The following PM20D2 variants were observed in gnomAD, a reference collection of about 807,000 sequenced individuals.
PM20D2 encodes peptidase M20 domain containing 2.
A neutral mutation model predicts 42.9 loss-of-function variants in PM20D2; 33 were observed. The observed-to-expected ratio is 0.77, with a 90% CI of 0.58 to 1.03. The LOEUF (loss-of-function observed/expected upper bound fraction) is 1.03. Ranked by LOEUF, PM20D2 falls within the 50% of genes least tolerant of loss-of-function variation. The pLI is 0.00. For synonymous variants in PM20D2, 250 were observed against 228.2 expected (o/e 1.10, Z -0.86); for missense variants, 548 against 557.0 (o/e 0.98, Z 0.16).
At chr6:89,146,697 G>T (rs1770583365) in intron 1 of PM20D2, 88 bp downstream of exon 1, 14 of 1,124,028 alleles carry the variant, frequency 1.2e-5, no homozygotes, top group Non-Finnish European at 1.5e-5. Context: ...CGTCCCGCGC[G>T]CCTCGGTGCC....
the PM20D2 span, among the ~76,000 whole-genome samples, chr6:89,138,406 A>G: frequency 6.6e-6 from 1 of 152,224 alleles, no homozygotes; most frequent in African/African-American, 2.4e-5. Flanking sequence ...GCCACTTGGT[A>G]TGAATTAGAC....
chr6:89,095,513 A>G, the PM20D2 span, among the ~76,000 whole-genome samples: 163 of 152,368 alleles, frequency 1.1e-3, 1 homozygote, highest in African/African-American at 3.4e-3. Flanking sequence ...AAGGATTACA[A>G]AAGTATTTCT....
In PM20D2 at chr6:89,146,313, C is replaced by A. The variant is rs749144123; in HGVS notation, c.169C>A (p.His57Asn). ...GCCCGAGCTGGCCTACGAGGAGCAC[C>A]ATGCCCACCGCGTGCTGACGCACTT... ...SQPELAYEEHHAHRVLTHFFE... is the reference protein window; with the variant it reads ...SQPELAYEEHNAHRVLTHFFE... The change falls in exon 1 of 7, where the codon CAT becomes AAT. Residue 57 changes from histidine (H) to asparagine (N), a missense_variant. Coordinates refer to ENST00000275072, the MANE Select transcript of PM20D2 (RefSeq NM_001010853.3). 6.3e-7 allele frequency: 1 copy of A among 1,580,106 alleles called. No homozygotes were observed. The highest frequency in any genetic ancestry group is 8.5e-7 in the Non-Finnish European group (1 of 1,171,372).
chr6:89,117,736 C>CCTCCGCCGGGCCTCGGCCGTG, the PM20D2 span: 1 of 1,332,504 alleles, frequency 7.5e-7, no homozygotes, highest in Non-Finnish European at 9.8e-7. Context: ...CTCCCCCGAG[C>CCTCCGCCGGGCCTCGGCCGTG]CTCCGCCGGG....
the PM20D2 span, among the ~76,000 whole-genome samples, chr6:89,099,508 A>G: frequency 0.021 from 1,142 of 55,666 alleles, 24 homozygotes; most frequent in African/African-American, 0.12. Flanking sequence ...ATGTGTGTAT[A>G]TATATATACA....
At chr6:89,127,097 C>A in the PM20D2 span, among the ~76,000 whole-genome samples, 1 of 152,120 alleles carries the variant, frequency 6.6e-6, no homozygotes, top group Admixed American at 6.6e-5. Context: ...TAAATTTATT[C>A]CTCAGGGTAA....
upstream of PM20D2, among the ~76,000 whole-genome samples, chr6:89,143,243 G>GC (rs1478000965): frequency 5.9e-5 from 9 of 152,116 alleles, no homozygotes; most frequent in East Asian, 1.7e-3. Context: ...TGAATCTGAA[G>GC]CCCAAAATAA....
At position 89,146,265 on chromosome 6, in the gene PM20D2, C is replaced by A. The variant is rs764318737; in HGVS notation, c.121C>A (p.Leu41Met). 35 of 1,580,248 alleles carry A rather than the reference C, an allele frequency of 2.2e-5. No individual in the cohort carries two copies. Among genetic ancestry groups the A allele is most frequent in the Admixed American group, 1.0e-4 (6 of 57,994 alleles). Residue 41 changes from leucine (L) to methionine (M), a missense_variant, in exon 1 of 7, where the codon CTG becomes ATG. Leu to Met is a conservative substitution (Grantham distance 15). This residue lies in a region of PM20D2 where 470 missense variants were observed against 464.4 expected (regional missense o/e 1.01). Coordinates refer to ENST00000275072, the MANE Select transcript of PM20D2 (RefSeq NM_001010853.3). ...IDEAAERLGA[L>M]SRAIWSQPEL... ...CGAGGCGGCCGAGCGGCTGGGGGCC[C>A]TGAGCCGCGCGATCTGGAGCCAGCC...
the PM20D2 span, chr6:89,097,238 T>C: frequency 6.6e-6 from 1 of 152,184 alleles, no homozygotes; most frequent in Admixed American, 6.5e-5. Context: ...ATTGAGAACT[T>C]TGAAGTTTTC....
intron 1 of PM20D2, among the ~76,000 whole-genome samples, chr6:89,148,358 A>G (rs891748748): frequency 6.6e-6 from 1 of 152,194 alleles, no homozygotes; most frequent in African/African-American, 2.4e-5. Context: ...ATTTAAGTTG[A>G]TTTCCTTTGC....
chr6:89,161,549 C>T (rs536736182), intron 5 of PM20D2, among the ~76,000 whole-genome samples: 5 of 152,176 alleles, frequency 3.3e-5, no homozygotes, highest in African/African-American at 1.2e-4. Context: ...CAGTAAAAGC[C>T]GTGAGACAAG....
upstream of PM20D2, among the ~76,000 whole-genome samples, chr6:89,144,527 G>A (rs1262789450): frequency 3.3e-5 from 5 of 152,230 alleles, no homozygotes; most frequent in East Asian, 9.6e-4. Flanking sequence ...CTGTTCTACA[G>A]TGGGTCCACT....
chr6:89,154,206 A>C (rs1277662810), intron 3 of PM20D2, among the ~76,000 whole-genome samples: 1 of 152,198 alleles, frequency 6.6e-6, no homozygotes, highest in Non-Finnish European at 1.5e-5. Flanking sequence ...CTTCGAATGA[A>C]TAAATCTTAA....
At chr6:89,161,918 G>A in intron 6 of PM20D2, 28 bp downstream of exon 6, 1 of 1,559,188 alleles carries the variant, frequency 6.4e-7, no homozygotes, top group Non-Finnish European at 8.8e-7. Context: ...TGACTGTTTT[G>A]GCACACACAC....
chr6:89,103,392 GATCTCAGCTCACTGCA>G, the PM20D2 span, among the ~76,000 whole-genome samples: 1 of 151,196 alleles, frequency 6.6e-6, no homozygotes, highest in East Asian at 1.9e-4. Flanking sequence ...GCAGTGGCGT[GATCTCAGCTCACTGCA>G]ACCTCTGCCT....
At chr6:89,105,015 A>G in the PM20D2 span, 6 of 1,157,372 alleles carry the variant, frequency 5.2e-6, no homozygotes, top group South Asian at 4.2e-5. Context: ...ATGATCGCAC[A>G]CTACTGCACT....
chr6:89,099,444 A>ATATATGTGTG, the PM20D2 span, among the ~76,000 whole-genome samples: 1 of 89,782 alleles, frequency 1.1e-5, no homozygotes, highest in Non-Finnish European at 2.3e-5. Flanking sequence ...ATATATACAC[A>ATATATGTGTG]TATATATGTG....
rs1170110150 is a variant in PM20D2, at chr6:89,163,979, A to G, written c.*1716A>G. On this transcript the variant is annotated 3_prime_UTR_variant, in exon 7 of 7. Coordinates refer to ENST00000275072, the MANE Select transcript of PM20D2 (RefSeq NM_001010853.3). ...GGCCTTAATATGGGACCTGCTTTTA[A>G]AGTAAAATATGTGGTACTATGAATT... The G allele has an allele frequency of 6.6e-6, 1 of 152,180 alleles. No individual in the cohort carries two copies. The highest frequency in any genetic ancestry group is 2.4e-5 in the African/African-American group (1 of 41,436). The allele number at this position is 152,180 out of a possible 1,614,324, so 9.4% of individuals were successfully genotyped here.
At chr6:89,132,887 A>AT in the PM20D2 span, among the ~76,000 whole-genome samples, 1 of 150,704 alleles carries the variant, frequency 6.6e-6, no homozygotes, top group Non-Finnish European at 1.5e-5. Flanking sequence ...TTCAAAAGGA[A>AT]TTTTAATCTT....
Sources: allele counts gnomAD v4.1 joint callset (sites outside exome capture counted in the v4.1 genomes callset), GRCh38; gene constraint gnomAD v4.1.1; regional missense constraint gnomAD v4.1.1; transcripts MANE v1.5; gene names NCBI Gene and HGNC (gene_info 2026-07-23, HGNC 2026-07-21).